TGM4: variants seen among roughly 807,000 people sequenced by gnomAD.
TGM4 encodes transglutaminase 4, also known as protein-glutamine gamma-glutamyltransferase 4.
In TGM4, 61 loss-of-function variants were observed where a neutral mutation model predicts 76.3. That is an observed-to-expected ratio of 0.80 (90% CI 0.65 to 0.99). TGM4 has a LOEUF of 0.99. Ranked by LOEUF, TGM4 falls within the 50% of genes least tolerant of loss-of-function variation. The pLI, the probability that TGM4 is intolerant of heterozygous loss-of-function variation, is 0.00. For missense variants in TGM4, 794 were observed against 843.2 expected, an observed-to-expected ratio of 0.94 and a Z score of 0.72; for synonymous variants, 337 against 329.8, an observed-to-expected ratio of 1.02 and a Z score of -0.24.
Position 44,893,606 on chromosome 3 carries a change from G to A in TGM4, c.460G>A (p.Glu154Lys), listed in dbSNP as rs186543038. Residue 154 changes from glutamate to lysine, a missense_variant, in exon 5 of 14, where the codon GAG becomes AAG. Transcript: ENST00000296125. ...CATGGTTTTCATGCCTGATGAGGACGAGCGCAAAGAGTACATCCTCAATGA... is the reference window on the plus strand; with the variant it reads ...CATGGTTTTCATGCCTGATGAGGACAAGCGCAAAGAGTACATCCTCAATGA... The part of the protein sequence containing the change: ...EDMVFMPDED[E>K]RKEYILNDTG... 16 of 1,613,854 alleles carry A rather than the reference G, an allele frequency of 9.9e-6. No individual in the cohort carries two copies. Among genetic ancestry groups the A allele is most frequent in the East Asian group, 2.2e-5 (1 of 44,878 alleles).
At chr3:44,887,220 T>A (rs561705885) in intron 2 of TGM4, among the ~76,000 whole-genome samples, 3 of 152,342 alleles carry the variant, frequency 2.0e-5, no homozygotes, top group African/African-American at 7.2e-5. Context: ...CTGGAGCTCA[T>A]GACATAAACT....
chr3:44,881,446 G>T (rs1167602417), intron 1 of TGM4, among the ~76,000 whole-genome samples: 2 of 152,164 alleles, frequency 1.3e-5, no homozygotes, highest in African/African-American at 4.8e-5. Context: ...TACAGTTATG[G>T]AGGCTGAGAC....
At chr3:44,883,807 A>G (rs1412767286) in intron 1 of TGM4, among the ~76,000 whole-genome samples, 1 of 152,170 alleles carries the variant, frequency 6.6e-6, no homozygotes, top group Non-Finnish European at 1.5e-5. Context: ...CCGCATCCCC[A>G]AGGTAGGCAT....
At position 44,912,894 on chromosome 3, in the gene TGM4, T is replaced by C. The variant is rs189652100; in HGVS notation, c.1914-690T>C. 1.0e-3 allele frequency among the ~76,000 whole-genome samples: 156 copies of C among 152,362 alleles called. 1 individual carries two copies. Among genetic ancestry groups the C allele is most frequent in the African/African-American group, 2.8e-3 (117 of 41,576 alleles). ...TTTTCTAATTGTTTGCTGGACTATA[T>C]GGAAATTGATTTTTGGCATGCTGAT... On this transcript the variant is annotated intron_variant, in intron 13 of 13. Coordinates refer to ENST00000296125, the MANE Select transcript of TGM4 (RefSeq NM_003241.4).
At chr3:44,884,705 A>C (rs1699577016) in intron 1 of TGM4, among the ~76,000 whole-genome samples, 1 of 151,986 alleles carries the variant, frequency 6.6e-6, no homozygotes, top group Non-Finnish European at 1.5e-5. Flanking sequence ...CTTCCTCCTC[A>C]ATTTGGATAA....
chr3:44,885,300 T>C (rs1480398021), intron 1 of TGM4, 25 bp from the exon 2 acceptor site: 3 of 1,584,376 alleles, frequency 1.9e-6, no homozygotes, highest in African/African-American at 2.7e-5. Context: ...GTGCTCTCTT[T>C]CCACATGTGC....
Position 44,910,506 on chromosome 3 carries a change from C to T in TGM4, c.1606+138C>T, listed in dbSNP as rs1168605838. ...GTTAACACAAACATTTATTGAGCAC[C>T]TACCCCTTGGTAGTCACAAGAAAGC... is the stretch of plus-strand genomic sequence containing the variant. On this transcript the variant is annotated intron_variant, in intron 11 of 13. Transcript: ENST00000296125. The T allele has an allele frequency of 2.6e-6, 3 of 1,148,346 alleles. No homozygotes were observed. In the East Asian group the frequency reaches 7.7e-5, roughly 30 times the overall value. 71.1% of individuals were successfully genotyped at this position (1,148,346 alleles called of 1,614,324 possible).
chr3:44,890,811 GC>G (rs1699683553), intron 4 of TGM4, 79 bp downstream of exon 4: 5 of 1,537,874 alleles, frequency 3.3e-6, no homozygotes, highest in Non-Finnish European at 4.4e-6. Flanking sequence ...TAGTCTATGA[GC>G]TTTTGTTTGC....
chr3:44,896,696 T>C lies in TGM4; in HGVS notation c.550-13T>C, dbSNP rs374164140. On this transcript the variant is annotated splice_polypyrimidine_tract_variant and intron_variant, in intron 5 of 13. Coordinates refer to ENST00000296125, the MANE Select transcript of TGM4 (RefSeq NM_003241.4). The stretch of plus-strand genomic sequence containing the variant: ...AAAGTCTTAACTGCCTCTTTCTTCA[T>C]TTCCCAAAATAGTTTGAGAAAAATG... The C allele has an allele frequency of 6.2e-7, 1 of 1,613,664 alleles. No individual in the cohort carries two copies. The highest frequency in any genetic ancestry group is 1.3e-5 in the African/African-American group (1 of 74,920).
chr3:44,888,574 T>C (rs1251176509), intron 3 of TGM4: 1 of 152,240 alleles, frequency 6.6e-6, no homozygotes, highest in Non-Finnish European at 1.5e-5. Flanking sequence ...CTGAGTGTTT[T>C]TCAGGGTATC....
chr3:44,911,210 G>A, intron 12 of TGM4, 60 bp from the exon 13 acceptor site: 1 of 1,610,732 alleles, frequency 6.2e-7, no homozygotes, highest in Non-Finnish European at 8.5e-7. Flanking sequence ...GAACCCTGAG[G>A]GTCCTTGGTT....
chr3:44,907,930 C>T (rs1467544870), intron 10 of TGM4, among the ~76,000 whole-genome samples: 2 of 152,152 alleles, frequency 1.3e-5, no homozygotes, highest in Admixed American at 6.5e-5. Context: ...CAGGGGCAAA[C>T]TGAAGATGGG....
At chr3:44,890,820 T>A in intron 4 of TGM4, 88 bp downstream of exon 4, 1 of 1,518,812 alleles carries the variant, frequency 6.6e-7, no homozygotes, top group Non-Finnish European at 8.9e-7. Context: ...AGCTTTTGTT[T>A]GCTCTCAAGG....
rs1390152341 is a variant in TGM4 at position 44,903,906 on chromosome 3, G to A, written c.994G>A (p.Ala332Thr). ...SVWNFHVWTD[A>T]WMKRPDLPKG... The stretch of plus-strand genomic sequence containing the variant: ...CAGGAATTTCCATGTGTGGACGGAT[G>A]CCTGGATGAAGCGACCGGATCTGCC... The change falls in exon 9 of 14, where the codon GCC (alanine) becomes ACC (threonine). Residue 332 changes from alanine to threonine, a missense_variant. Coordinates refer to ENST00000296125, the MANE Select transcript of TGM4 (RefSeq NM_003241.4). 2.5e-6 allele frequency: 4 copies of A among 1,614,118 alleles called. No individual in the cohort carries two copies. Among genetic ancestry groups the A allele is most frequent in the Non-Finnish European group, 3.4e-6 (4 of 1,180,044 alleles).
intron 1 of TGM4, among the ~76,000 whole-genome samples, chr3:44,885,100 C>T (rs11707176): frequency 6.6e-6 from 1 of 152,194 alleles, no homozygotes; most frequent in Admixed American, 6.5e-5. Flanking sequence ...CTGCTCTCAG[C>T]TCATCCCCAT....
chr3:44,913,732 C>T lies in TGM4; in HGVS notation c.*7C>T, dbSNP rs1351117820. The T allele has an allele frequency of 6.2e-7, 1 of 1,611,246 alleles. No homozygotes were observed. Among genetic ancestry groups the T allele is most frequent in the South Asian group, 1.1e-5 (1 of 90,548 alleles). On this transcript the variant is annotated 3_prime_UTR_variant, in exon 14 of 14. Transcript: ENST00000296125. ...TGTTCTCATCACCAAGTAGCCTTGT[C>T]TGATGCTGTGGAGCCTTAGTTGAGA... is the stretch of plus-strand genomic sequence containing the variant.
chr3:44,907,968 G>A (rs969099356), intron 10 of TGM4, among the ~76,000 whole-genome samples: 2 of 152,182 alleles, frequency 1.3e-5, no homozygotes, highest in African/African-American at 4.8e-5. Context: ...GCAGGAAATC[G>A]TAAGGACTCA....
intron 9 of TGM4, among the ~76,000 whole-genome samples, chr3:44,905,798 C>T (rs1699913933): frequency 6.6e-6 from 1 of 150,800 alleles, no homozygotes; most frequent in South Asian, 2.1e-4. Context: ...GGGAGGTGGC[C>T]CCCAGAGGTG....
chr3:44,908,245 G>C (rs552067831), intron 10 of TGM4, among the ~76,000 whole-genome samples: 1 of 152,190 alleles, frequency 6.6e-6, no homozygotes, highest in East Asian at 1.9e-4. Flanking sequence ...CAGAATGGAC[G>C]TGGATGGAGA....
Sources: allele counts gnomAD v4.1 joint callset (sites outside exome capture counted in the v4.1 genomes callset), GRCh38; gene constraint gnomAD v4.1.1; transcripts MANE v1.5; gene names NCBI Gene and HGNC (gene_info 2026-07-23, HGNC 2026-07-21).